Variants in TUT4 observed in about 807,000 individuals in gnomAD.
The protein encoded by TUT4 is terminal uridylyltransferase 4.
TUT4 carries 36 observed loss-of-function variants against 192.2 expected under a neutral mutation model. The ratio of observed to expected loss-of-function variants is 0.19; its 90% CI spans 0.14 to 0.25. The LOEUF is 0.25. TUT4 is among the 10% of genes least tolerant of loss of function. The pLI, the probability that TUT4 is intolerant of heterozygous loss-of-function variation, is 1.00. For synonymous variants in TUT4, 618 were observed against 666.0 expected, an observed-to-expected ratio of 0.93 and a Z score of 1.11; for missense variants, 1,493 against 1,957.2, an observed-to-expected ratio of 0.76 and a Z score of 4.47.
Position 52,488,954 on chromosome 1 carries a change from T to C in TUT4, c.1470A>G (p.Glu490=), listed in dbSNP as rs779787006. 8 of 1,613,858 alleles carry C rather than the reference T, an allele frequency of 5.0e-6. No individual in the cohort carries two copies. The highest frequency in any genetic ancestry group is 5.9e-6 in the Non-Finnish European group (7 of 1,179,892). ...CTAACACCAAGGGAATAAAGACAGGTTCTATTTTGCCAAGGGCAGTAAGTA... is the reference window on the plus strand; with the variant it reads ...CTAACACCAAGGGAATAAAGACAGGCTCTATTTTGCCAAGGGCAGTAAGTA... The part of the protein sequence containing the change: ...TDLLTALGKI[E]PVFIPLVLAF... The change falls in exon 9 of 30, where the codon GAA becomes GAG. Residue 490 remains glutamate (E), a synonymous_variant. Transcript: ENST00000257177.
chr1:52,461,777 A>C lies in TUT4; in HGVS notation c.3070-8T>G, dbSNP rs1405952270. On this transcript the variant is annotated splice_polypyrimidine_tract_variant and splice_region_variant and intron_variant, in intron 16 of 29. Transcript: ENST00000257177. The stretch of plus-strand genomic sequence containing the variant: ...TTCCTTACAATTTAATTTCTAAAAA[A>C]CAAATCAAATAAATAAGTTTGACTC... 1 of 1,340,228 alleles carries C rather than the reference A, an allele frequency of 7.5e-7. No homozygotes were observed. Among genetic ancestry groups the C allele is most frequent in the Non-Finnish European group, 1.0e-6 (1 of 973,448 alleles). 83.0% of individuals were successfully genotyped at this position (1,340,228 alleles called of 1,614,324 possible).
At chr1:52,482,285 C>T (rs1668672459) in intron 9 of TUT4, among the ~76,000 whole-genome samples, 1 of 152,128 alleles carries the variant, frequency 6.6e-6, no homozygotes, top group Non-Finnish European at 1.5e-5. Flanking sequence ...TACAAATACA[C>T]ATACATTTCT....
At chr1:52,535,898 C>A (rs913734688) in intron 1 of TUT4, among the ~76,000 whole-genome samples, 5 of 152,138 alleles carry the variant, frequency 3.3e-5, no homozygotes, top group Admixed American at 2.0e-4. Flanking sequence ...ACTAAGAATT[C>A]TCTAGCCAGT....
chr1:52,464,255 AT>A (rs1037891865), intron 16 of TUT4, among the ~76,000 whole-genome samples: 4 of 150,462 alleles, frequency 2.7e-5, no homozygotes, highest in Admixed American at 1.3e-4. Flanking sequence ...TTATTTATTT[AT>A]TTTTTTTTTA....
At chr1:52,539,360 T>C (rs560797433) in intron 1 of TUT4, among the ~76,000 whole-genome samples, 1 of 152,016 alleles carries the variant, frequency 6.6e-6, no homozygotes, top group Admixed American at 6.5e-5. Context: ...TCAGTGAATA[T>C]AAAGGGGTGA....
chr1:52,464,043 C>T (rs1166538703), intron 16 of TUT4, among the ~76,000 whole-genome samples: 3 of 152,174 alleles, frequency 2.0e-5, no homozygotes, highest in African/African-American at 7.2e-5. Context: ...CCAACAATTA[C>T]TAGCTGTGTG....
intron 2 of TUT4, among the ~76,000 whole-genome samples, chr1:52,518,415 C>A (rs1031339464): frequency 5.3e-5 from 8 of 152,178 alleles, no homozygotes; most frequent in Non-Finnish European, 7.4e-5. Context: ...TTGCAAACAG[C>A]CACCTTCTTG....
At chr1:52,472,450 G>C (rs1666008092) in intron 13 of TUT4, among the ~76,000 whole-genome samples, 1 of 151,646 alleles carries the variant, frequency 6.6e-6, no homozygotes, top group African/African-American at 2.4e-5. Context: ...AACAAAATAG[G>C]TTATAAAGAA....
At chr1:52,526,823 G>C (rs1001671773) in intron 1 of TUT4, among the ~76,000 whole-genome samples, 5 of 151,884 alleles carry the variant, frequency 3.3e-5, no homozygotes, top group African/African-American at 9.7e-5. Context: ...TCAGGAGTTC[G>C]AGACCAGCCT....
At chr1:52,506,372 G>A (rs1399327669) in intron 4 of TUT4, among the ~76,000 whole-genome samples, 2 of 152,012 alleles carry the variant, frequency 1.3e-5, no homozygotes, top group African/African-American at 2.4e-5. Context: ...TCAGAGTTAC[G>A]TGGACCTCAT....
At chr1:52,443,174 T>C (rs926181068) in intron 24 of TUT4, among the ~76,000 whole-genome samples, 17 of 151,730 alleles carry the variant, frequency 1.1e-4, no homozygotes, top group African/African-American at 4.1e-4. Flanking sequence ...TCCCAGCTAC[T>C]TGGGAGGCTG....
chr1:52,454,025 T>C (rs1268925861), intron 20 of TUT4, among the ~76,000 whole-genome samples: 1 of 152,180 alleles, frequency 6.6e-6, no homozygotes, highest in East Asian at 1.9e-4. Flanking sequence ...TAACAAAATA[T>C]GTGCAAGGGC....
At chr1:52,434,951 C>G (rs914787428) in intron 27 of TUT4, 1 of 152,880 alleles carries the variant, frequency 6.5e-6, no homozygotes, top group African/African-American at 2.4e-5. Context: ...TATGAGAAGA[C>G]AGAAGTTTCA....
chr1:52,434,746 T>C (rs886353328), intron 27 of TUT4: 1 of 150,858 alleles, frequency 6.6e-6, no homozygotes, highest in African/African-American at 2.4e-5. Context: ...GGAGACAGAA[T>C]TGCATGATCC....
chr1:52,525,637 T>C lies in TUT4; in HGVS notation c.644A>G (p.Gln215Arg), dbSNP rs1312624636. 1.9e-6 allele frequency: 3 copies of C among 1,614,212 alleles called. No individual in the cohort carries two copies. In the South Asian group the frequency reaches 3.3e-5, roughly 18 times the overall value. Reference sequence around the variant, plus strand: ...ACCAGTATTATCTGTACATGTCTGTTGCTTCTGAGATCGTGGTGAGTTTTG... The same window carrying C: ...ACCAGTATTATCTGTACATGTCTGTCGCTTCTGAGATCGTGGTGAGTTTTG... ...ALQNSPRSQK[Q>R]QTCTDNTGDS... The change falls in exon 2 of 30, where the codon CAA becomes CGA. Residue 215 changes from glutamine to arginine, a missense_variant. By Grantham distance (43) the Gln-to-Arg change is conservative. This residue lies in a region of TUT4 where 260 missense variants were observed against 247.8 expected (regional missense o/e 1.05). Coordinates refer to ENST00000257177, the MANE Select transcript of TUT4 (RefSeq NM_001009881.3).
At chr1:52,469,341 A>G (rs1029875034) in intron 14 of TUT4, among the ~76,000 whole-genome samples, 6 of 31,796 alleles carry the variant, frequency 1.9e-4, no homozygotes, top group African/African-American at 7.2e-4. Flanking sequence ...AGTGGAATCG[A>G]TAAGACTTAA....
At position 52,481,441 on chromosome 1, in the gene TUT4, C is replaced by T; in HGVS notation, c.1830G>A (p.Met610Ile). Residue 610 changes from methionine (M) to isoleucine (I), a missense_variant, in exon 11 of 30, where the codon ATG (methionine) becomes ATA (isoleucine). Met to Ile is a conservative substitution (Grantham distance 10). Transcript: ENST00000257177. ...GGCTTACTTTGCCATGTTTTTCCTTCATGGCATTACTTTGGTTGTCTGTTT... is the reference window on the plus strand; with the variant it reads ...GGCTTACTTTGCCATGTTTTTCCTTTATGGCATTACTTTGGTTGTCTGTTT... ...KTETDNQSNA[M>I]KEKHGKSPLA... 1 of 1,613,836 alleles carries T rather than the reference C, an allele frequency of 6.2e-7. No individual in the cohort carries two copies. The highest frequency in any genetic ancestry group is 1.3e-5 in the African/African-American group (1 of 75,026).
At chr1:52,479,242 G>A (rs1056168030) in intron 11 of TUT4, among the ~76,000 whole-genome samples, 3 of 152,154 alleles carry the variant, frequency 2.0e-5, no homozygotes, top group Admixed American at 6.5e-5. Context: ...AGGGCTGTTT[G>A]GCTTGTTATC....
chr1:52,476,263 T>A (rs74080962), intron 12 of TUT4, among the ~76,000 whole-genome samples: 5,021 of 151,662 alleles, frequency 0.033, 204 homozygotes, highest in African/African-American at 0.097. Context: ...TTTAGTGAGA[T>A]TAAAAAGTAA....
Sources: gnomAD v4.1 joint callset for allele counts (sites outside exome capture counted in the v4.1 genomes callset) on GRCh38, gnomAD v4.1.1 for gene constraint, gnomAD v4.1.1 regional missense constraint, MANE v1.5 for transcripts, NCBI Gene and HGNC (gene_info 2026-07-23, HGNC 2026-07-21) for gene names.